GLG1: variants seen among roughly 807,000 people sequenced by gnomAD.
GLG1 encodes the protein Golgi apparatus protein 1.
GLG1 carries 38 observed loss-of-function variants against 160.5 expected under a neutral mutation model. That is an observed-to-expected ratio of 0.24 (90% CI 0.18 to 0.31). The LOEUF (loss-of-function observed/expected upper bound fraction) is 0.31, where lower values mean the gene tolerates loss of function less well. GLG1 is among the 10% of genes least tolerant of loss of function. The pLI is 1.00. For missense variants in GLG1, 1,373 were observed against 1,505.2 expected, an observed-to-expected ratio of 0.91 and a Z score of 1.45; for synonymous variants, 644 against 543.4, an observed-to-expected ratio of 1.19 and a Z score of -2.57.
At chr16:74,505,767 A>G (rs950699363) in intron 3 of GLG1, among the ~76,000 whole-genome samples, 4 of 152,204 alleles carry the variant, frequency 2.6e-5, no homozygotes, top group Non-Finnish European at 4.4e-5. Flanking sequence ...AGGCAGGAGA[A>G]TTGCTAGAAC....
intron 4 of GLG1, among the ~76,000 whole-genome samples, chr16:74,500,477 CAA>C (rs890257217): frequency 1.5e-5 from 2 of 136,876 alleles, no homozygotes. Context: ...CAAAAAAAAA[CAA>C]AAAAAAAAAC....
chr16:74,457,269 T>C (rs1233844027), intron 24 of GLG1, among the ~76,000 whole-genome samples: 1 of 151,950 alleles, frequency 6.6e-6, no homozygotes, highest in Non-Finnish European at 1.5e-5. Flanking sequence ...TGGTGGTGGG[T>C]GCCTGTAGTC....
At chr16:74,577,638 T>A (rs774626046) in intron 1 of GLG1, among the ~76,000 whole-genome samples, 50 of 151,852 alleles carry the variant, frequency 3.3e-4, no homozygotes, top group Admixed American at 5.9e-4. Context: ...TTTGGAGACA[T>A]TGTCTCATTC....
intron 1 of GLG1, among the ~76,000 whole-genome samples, chr16:74,588,699 A>G (rs1482199871): frequency 5.9e-5 from 9 of 152,100 alleles, no homozygotes; most frequent in Admixed American, 1.3e-4. Context: ...GATTACAGAC[A>G]TGAGCCACCA....
At chr16:74,493,380 G>C (rs1567479109) in intron 6 of GLG1, among the ~76,000 whole-genome samples, 1 of 152,228 alleles carries the variant, frequency 6.6e-6, no homozygotes, top group Admixed American at 6.5e-5. Context: ...AGTTGTTGCT[G>C]CAATAGCAGC....
At chr16:74,540,335 T>C (rs1384863401) in intron 1 of GLG1, among the ~76,000 whole-genome samples, 3 of 149,848 alleles carry the variant, frequency 2.0e-5, no homozygotes, top group Admixed American at 6.8e-5. Flanking sequence ...TACAAAAACA[T>C]GTAATTTTTT....
intron 11 of GLG1, among the ~76,000 whole-genome samples, chr16:74,478,013 T>TAAAAAAATAAAA (rs1555508283): frequency 6.6e-6 from 1 of 150,406 alleles, no homozygotes; most frequent in Non-Finnish European, 1.5e-5. Context: ...AATAAATAAA[T>TAAAAAAATAAAA]AAAATGTGCA....
rs1454714227 is a variant in GLG1 at position 74,532,133 on chromosome 16, T to C, written c.459A>G (p.Ser153=). The C allele has an allele frequency of 2.2e-6, 3 of 1,393,574 alleles. No individual in the cohort carries two copies. Among genetic ancestry groups the C allele is most frequent in the African/African-American group, 1.5e-5 (1 of 68,240 alleles). The allele number at this position is 1,393,574 out of a possible 1,614,324, so 86.3% of individuals were successfully genotyped here. A position where few individuals can be genotyped will look rare whatever the true frequency, so the allele number is the denominator to read the frequency against. The change falls in exon 2 of 26, where the codon TCA becomes TCG. Residue 153 remains serine, a synonymous_variant. Coordinates refer to ENST00000422840, the MANE Select transcript of GLG1 (RefSeq NM_001145667.2). The part of the protein sequence containing the change: ...DVREPENEIS[S]DCNHLLWNYK... The stretch of plus-strand genomic sequence containing the variant: ...AATCCATACTTACATGATTGCAGTC[T>C]GAAGAAATTTCATTTTCAGGCTAGA...
chr16:74,598,335 C>T (rs1249132147), intron 1 of GLG1, among the ~76,000 whole-genome samples: 1 of 150,930 alleles, frequency 6.6e-6, no homozygotes, highest in Non-Finnish European at 1.5e-5. Context: ...TCCTGGCCAA[C>T]ATGGTGAAAC....
intron 23 of GLG1, among the ~76,000 whole-genome samples, chr16:74,458,797 A>G (rs929871494): frequency 5.3e-5 from 8 of 152,268 alleles, no homozygotes; most frequent in African/African-American, 1.9e-4. Flanking sequence ...CATCTACTAC[A>G]AGAGCAATTC....
chr16:74,470,525 T>C (rs1362104219), intron 15 of GLG1, among the ~76,000 whole-genome samples: 1 of 149,694 alleles, frequency 6.7e-6, no homozygotes, highest in Non-Finnish European at 1.5e-5. Context: ...CTCGGCTCAC[T>C]GCAACCTCTG....
At chr16:74,558,026 G>A (rs2018400193) in intron 1 of GLG1, among the ~76,000 whole-genome samples, 1 of 152,170 alleles carries the variant, frequency 6.6e-6, no homozygotes, top group Non-Finnish European at 1.5e-5. Flanking sequence ...AAGGAAAGCA[G>A]TAAAACCCTG....
rs578084460 is a variant in GLG1, at chr16:74,563,703, C to T, written c.439-31550G>A. Among the ~76,000 whole-genome samples the T allele has an allele frequency of 1.7e-4, 24 of 144,836 alleles. No individual in the cohort carries two copies. In the South Asian group the frequency reaches 4.1e-3, roughly 25 times the overall value. On this transcript the variant is annotated intron_variant, in intron 1 of 25. Transcript: ENST00000422840. ...GATCACGCCACTATTCTCCAGCCTG[C>T]GCAACAGAGTGAGACCCTGTCTCAA...
At chr16:74,493,206 T>A in intron 6 of GLG1, 66 bp from the exon 7 acceptor site, 2 of 1,051,808 alleles carry the variant, frequency 1.9e-6, no homozygotes, top group Non-Finnish European at 2.8e-6. Context: ...CGTGTACCAC[T>A]AAGATGAGCA....
chr16:74,467,774 C>G lies in GLG1; in HGVS notation c.2511G>C (p.Val837=). The part of the protein sequence containing the change: ...KSDIKNFCSA[V]QYGNAQIIEC... ...AAGTTACCTGAGCGTTGCCATATTG[C>G]ACAGCGGAACAGAAGTTTTTGATGT... Residue 837 remains valine (V), a synonymous_variant, in exon 18 of 26, where the codon GTG becomes GTC. Transcript: ENST00000422840. The G allele has an allele frequency of 6.2e-7, 1 of 1,610,804 alleles. No individual in the cohort carries two copies. Among genetic ancestry groups the G allele is most frequent in the Non-Finnish European group, 8.5e-7 (1 of 1,177,128 alleles).
At chr16:74,554,897 T>C (rs1484871262) in intron 1 of GLG1, among the ~76,000 whole-genome samples, 1 of 152,174 alleles carries the variant, frequency 6.6e-6, no homozygotes, top group Non-Finnish European at 1.5e-5. Flanking sequence ...GCACGTATAG[T>C]CCCAGTGCTT....
chr16:74,542,719 A>AGGGAGGGAGGGAGGGAGGGAGGG (rs1567513862), intron 1 of GLG1, among the ~76,000 whole-genome samples: 1 of 29,018 alleles, frequency 3.4e-5, no homozygotes, highest in African/African-American at 1.6e-4. Context: ...GGAAGAAGGG[A>AGGGAGGGAGGGAGGGAGGGAGGG]AGGAAGGAAG....
Position 74,509,276 on chromosome 16 carries a change from G to A in GLG1, c.472-351C>T, listed in dbSNP as rs974208131. On this transcript the variant is annotated intron_variant, in intron 2 of 25. Coordinates refer to ENST00000422840, the MANE Select transcript of GLG1 (RefSeq NM_001145667.2). ...CAACCTCCACCTCTCGGGTTCAAGC[G>A]ATTCTTAAATGACAATTTTTTTAGA... Among the ~76,000 whole-genome samples, 18 of 148,388 alleles carry A rather than the reference G, an allele frequency of 1.2e-4. 2 individuals carry two copies. The highest frequency in any genetic ancestry group is 2.1e-4 in the South Asian group (1 of 4,734).
At chr16:74,470,437 A>G (rs1241699964) in intron 15 of GLG1, among the ~76,000 whole-genome samples, 10 of 129,586 alleles carry the variant, frequency 7.7e-5, no homozygotes, top group Admixed American at 1.9e-4. Flanking sequence ...AATAGGACAT[A>G]TATTTGTAAT....
Sources: allele counts gnomAD v4.1 joint callset (sites outside exome capture counted in the v4.1 genomes callset), GRCh38; gene constraint gnomAD v4.1.1; transcripts MANE v1.5; gene names NCBI Gene and HGNC (gene_info 2026-07-23, HGNC 2026-07-21).